Variants in BTBD9 observed in about 807,000 individuals in gnomAD.
BTBD9 encodes the protein BTB/POZ domain-containing protein 9.
In BTBD9, 49 loss-of-function variants were observed where a neutral mutation model predicts 64.3. That is an observed-to-expected ratio of 0.76 (90% CI 0.61 to 0.97). The LOEUF (loss-of-function observed/expected upper bound fraction) is 0.97, where lower values mean the gene tolerates loss of function less well. Ranked by LOEUF, BTBD9 falls within the 50% of genes least tolerant of loss-of-function variation. The pLI is 0.00. For missense variants in BTBD9, 598 were observed against 762.1 expected, an observed-to-expected ratio of 0.78 and a Z score of 2.53; for synonymous variants, 260 against 274.7, an observed-to-expected ratio of 0.95 and a Z score of 0.53.
intron 6 of BTBD9, among the ~76,000 whole-genome samples, chr6:38,571,247 G>GT (rs1332509272): frequency 6.6e-6 from 1 of 152,330 alleles, no homozygotes; most frequent in East Asian, 1.9e-4. Context: ...ACTGAATAAT[G>GT]TAAGAGTGTC....
At chr6:38,320,186 T>C (rs1328129991) in intron 7 of BTBD9, among the ~76,000 whole-genome samples, 1 of 152,174 alleles carries the variant, frequency 6.6e-6, no homozygotes, top group African/African-American at 2.4e-5. Context: ...GTCATTCCTA[T>C]CCTTTTCAGT....
intron 8 of BTBD9, among the ~76,000 whole-genome samples, chr6:38,280,104 T>G (rs79217189): frequency 0.022 from 3,421 of 152,274 alleles, 104 homozygotes; most frequent in East Asian, 0.088. Context: ...TTAGTTGCCA[T>G]AGCAATACTG....
rs1014849919 is a variant in BTBD9, at chr6:38,178,208, A to C, written c.1642-3026T>G. ...TATTAAATCACAAACTGTGTGGCGA[A>C]GATTCTAAGTGGAAAAGAGTGTTTT... On this transcript the variant is annotated intron_variant, in intron 10 of 10. Coordinates refer to ENST00000481247, the MANE Select transcript of BTBD9 (RefSeq NM_001099272.2). 2.6e-5 allele frequency among the ~76,000 whole-genome samples: 4 copies of C among 151,246 alleles called. No homozygotes were observed. The East Asian group carries it at 5.9e-4, about 22-fold the overall frequency.
Position 38,365,758 on chromosome 6 carries a change from C to CAA in BTBD9, c.1155-20667_1155-20666dup, listed in dbSNP as rs34375597. Among the ~76,000 whole-genome samples, 557 of 115,810 alleles carry CAA rather than the reference C, an allele frequency of 4.8e-3. 6 individuals are homozygous for CAA. Among genetic ancestry groups the CAA allele is most frequent in the African/African-American group, 0.013 (413 of 30,608 alleles). 76.0% of individuals were successfully genotyped at this position (115,810 alleles called of 152,430 possible). A position where few individuals can be genotyped will look rare whatever the true frequency, so the allele number is the denominator to read the frequency against. On this transcript the variant is annotated intron_variant, in intron 6 of 10. Coordinates refer to ENST00000481247, the MANE Select transcript of BTBD9 (RefSeq NM_001099272.2). ...TGGGCAACAGAGCAAGATCCTGACT[C>CAA]AAAAAAAAAAAAAAAAACATACTGA...
At chr6:38,179,445 A>C (rs1313029641) in intron 10 of BTBD9, 3 of 456,752 alleles carry the variant, frequency 6.6e-6, no homozygotes, top group South Asian at 1.5e-5. Context: ...GCGGTGCTAC[A>C]GAAGGTGGCA....
At chr6:38,545,774 G>T in intron 6 of BTBD9, among the ~76,000 whole-genome samples, 1 of 99,010 alleles carries the variant, frequency 1.0e-5, no homozygotes, top group Non-Finnish European at 2.0e-5. Context: ...GTGAGACTCC[G>T]TCTCAAAAAA....
intron 6 of BTBD9, among the ~76,000 whole-genome samples, chr6:38,438,390 T>G (rs1284049853): frequency 6.6e-6 from 1 of 152,162 alleles, no homozygotes; most frequent in Non-Finnish European, 1.5e-5. Context: ...TGGTACAAGG[T>G]GCAGAGTATA....
At chr6:38,388,593 T>C (rs376316667) in intron 6 of BTBD9, among the ~76,000 whole-genome samples, 3 of 152,228 alleles carry the variant, frequency 2.0e-5, no homozygotes, top group Admixed American at 6.5e-5. Context: ...AGAGTTCATA[T>C]TGACTGAAAG....
intron 1 of BTBD9, among the ~76,000 whole-genome samples, chr6:38,614,618 T>C (rs1025278640): frequency 1.3e-5 from 2 of 152,228 alleles, no homozygotes; most frequent in Admixed American, 1.3e-4. Context: ...CAATGTTCCC[T>C]AGCTCAGTGA....
At chr6:38,279,618 G>A (rs1343580969) in intron 8 of BTBD9, among the ~76,000 whole-genome samples, 4 of 152,114 alleles carry the variant, frequency 2.6e-5, no homozygotes, top group Non-Finnish European at 4.4e-5. Context: ...CTGTGACCCC[G>A]TGTGGCCTAT....
chr6:38,596,725 C>T (rs1224968899), intron 2 of BTBD9, among the ~76,000 whole-genome samples: 2 of 149,784 alleles, frequency 1.3e-5, no homozygotes, highest in African/African-American at 4.9e-5. Flanking sequence ...GGCGTGAACC[C>T]GGGAGGCGGA....
intron 10 of BTBD9, chr6:38,179,687 C>T (rs1294188934): frequency 6.6e-6 from 3 of 456,652 alleles, no homozygotes; most frequent in African/African-American, 6.0e-5. Flanking sequence ...GAATGAACCT[C>T]AGGGCTGTGC....
chr6:38,338,953 T>C (rs4711535), intron 7 of BTBD9, among the ~76,000 whole-genome samples: 5,577 of 152,288 alleles, frequency 0.037, 183 homozygotes, highest in East Asian at 0.11. Flanking sequence ...GTCCAGAAGT[T>C]TGACAACATG....
rs1768086373 is a variant in BTBD9, at chr6:38,425,102, C to A, written c.1155-80009G>T. ...AAGTGCTCGGATTACAGGTGTGAGC[C>A]ACCGTGCCCGGCCTTTTTTTTTTTT... On this transcript the variant is annotated intron_variant, in intron 6 of 10. Transcript: ENST00000481247. 2.1e-5 allele frequency among the ~76,000 whole-genome samples: 3 copies of A among 141,652 alleles called. No individual in the cohort carries two copies. In the South Asian group the frequency reaches 7.1e-4, roughly 33 times the overall value. The allele number at this position is 141,652 out of a possible 152,430, so 92.9% of individuals were successfully genotyped here.
intron 6 of BTBD9, among the ~76,000 whole-genome samples, chr6:38,385,706 A>C (rs931269195): frequency 2.0e-5 from 3 of 152,182 alleles, no homozygotes; most frequent in African/African-American, 4.8e-5. Context: ...AGATATCTTT[A>C]AGAAGAACAT....
At chr6:38,285,320 G>A (rs893305994) in intron 8 of BTBD9, among the ~76,000 whole-genome samples, 3 of 152,190 alleles carry the variant, frequency 2.0e-5, no homozygotes, top group Non-Finnish European at 4.4e-5. Flanking sequence ...GACTGGATGA[G>A]AGAGGAAGGT....
At chr6:38,215,908 GC>G (rs1762994668) in intron 9 of BTBD9, among the ~76,000 whole-genome samples, 1 of 151,964 alleles carries the variant, frequency 6.6e-6, no homozygotes, top group African/African-American at 2.4e-5. Context: ...CCCCACCTGC[GC>G]CCCCCACACC....
In BTBD9 at chr6:38,309,418, GTTTA is replaced by G. The variant is rs1241437645; in HGVS notation, c.1265-20961_1265-20958del. 4.0e-5 allele frequency among the ~76,000 whole-genome samples: 6 copies of G among 151,406 alleles called. 1 individual carries two copies. The highest frequency in any genetic ancestry group is 1.5e-4 in the African/African-American group (6 of 41,330). ...ACAAAAAAACCACGAAAAAGTGGTG[GTTTA>G]TTTAATACTTTTTTTTTTTGAGATG... On this transcript the variant is annotated intron_variant, in intron 7 of 10. Transcript: ENST00000481247.
chr6:38,372,217 A>G (rs564718658), intron 6 of BTBD9, among the ~76,000 whole-genome samples: 2 of 152,340 alleles, frequency 1.3e-5, no homozygotes, highest in South Asian at 4.1e-4. Context: ...CCAAAATCTA[A>G]AGTGATTAAA....
Sources: gnomAD v4.1 joint callset for allele counts (sites outside exome capture counted in the v4.1 genomes callset) on GRCh38, gnomAD v4.1.1 for gene constraint, MANE v1.5 for transcripts, NCBI Gene and HGNC (gene_info 2026-07-23, HGNC 2026-07-21) for gene names.